FLNB: variants seen among roughly 807,000 people sequenced by gnomAD.
The protein encoded by FLNB is filamin B.
FLNB carries 111 observed loss-of-function variants against 250.6 expected under a neutral mutation model. The ratio of observed to expected loss-of-function variants is 0.44; its 90% confidence interval spans 0.38 to 0.52. FLNB has a LOEUF of 0.52. FLNB is among the 20% of genes least tolerant of loss of function. The pLI, the probability that FLNB is intolerant of heterozygous loss-of-function variation, is 0.00. For missense variants in FLNB, 2,869 were observed against 3,447.8 expected (o/e 0.83, Z 4.20); for synonymous variants, 1,302 against 1,372.1 (o/e 0.95, Z 1.13).
chr3:58,153,233 C>T (rs928594468), intron 38 of FLNB, 142 bp from the exon 39 acceptor site: 6 of 974,788 alleles, frequency 6.2e-6, no homozygotes, highest in Non-Finnish European at 9.6e-6. Context: ...AGGCACCCAG[C>T]CTGAAGGGAA....
At chr3:58,050,662 A>T (rs1021003422) in intron 1 of FLNB, among the ~76,000 whole-genome samples, 1 of 152,176 alleles carries the variant, frequency 6.6e-6, no homozygotes, top group African/African-American at 2.4e-5. Context: ...ACTGAGCTTG[A>T]TTCTGAAACC....
rs114976885 is a variant in FLNB, at chr3:58,067,440, C to T, written c.293-9606C>T. On this transcript the variant is annotated intron_variant, in intron 1 of 45. Coordinates refer to ENST00000295956, the MANE Select transcript of FLNB (RefSeq NM_001457.4). ...AGAGAATTGGAAATCCAGCCAACTT[C>T]GGCCCCCTTGTCTACTTGTATTTTA... Among the ~76,000 whole-genome samples the T allele has an allele frequency of 2.2e-3, 328 of 152,234 alleles. 2 individuals carry two copies. Among genetic ancestry groups the T allele is most frequent in the African/African-American group, 7.4e-3 (306 of 41,548 alleles).
chr3:58,095,684 C>T (rs1053376751), intron 5 of FLNB, among the ~76,000 whole-genome samples: 13 of 152,194 alleles, frequency 8.5e-5, no homozygotes, highest in African/African-American at 3.1e-4. Flanking sequence ...CACTTATTTT[C>T]GTAGGACCAT....
intron 24 of FLNB, among the ~76,000 whole-genome samples, chr3:58,127,383 T>A (rs1647475209): frequency 6.6e-6 from 1 of 152,190 alleles, no homozygotes; most frequent in African/African-American, 2.4e-5. Flanking sequence ...GCTTGGCTCC[T>A]TATTCATGTG....
intron 24 of FLNB, among the ~76,000 whole-genome samples, chr3:58,129,151 TAAC>T (rs1275159712): frequency 2.0e-5 from 3 of 152,194 alleles, no homozygotes; most frequent in Non-Finnish European, 4.4e-5. Context: ...GAGTTATTTT[TAAC>T]AACGTGTCCT....
intron 1 of FLNB, among the ~76,000 whole-genome samples, chr3:58,023,575 G>A (rs185916231): frequency 6.6e-6 from 1 of 152,308 alleles, no homozygotes; most frequent in African/African-American, 2.4e-5. Flanking sequence ...AGGGAAGAAA[G>A]AGATTCCTTT....
chr3:58,064,039 C>G (rs1195849603), intron 1 of FLNB, among the ~76,000 whole-genome samples: 1 of 152,148 alleles, frequency 6.6e-6, no homozygotes, highest in Middle Eastern at 3.4e-3. Flanking sequence ...ATAATAACGC[C>G]ATTATCTCTT....
chr3:58,068,469 G>A (rs932210132), intron 1 of FLNB, among the ~76,000 whole-genome samples: 2 of 152,178 alleles, frequency 1.3e-5, no homozygotes, highest in Admixed American at 6.5e-5. Flanking sequence ...GCAGCTGACC[G>A]ACATGGTCCT....
intron 1 of FLNB, among the ~76,000 whole-genome samples, chr3:58,027,379 G>A (rs753360299): frequency 6.6e-6 from 1 of 151,878 alleles, no homozygotes; most frequent in African/African-American, 2.4e-5. Flanking sequence ...GCGGTGGCCC[G>A]GTCCGCCTGC....
chr3:58,094,228 T>G lies in FLNB; in HGVS notation c.788-608T>G, dbSNP rs547718682. On this transcript the variant is annotated intron_variant, in intron 4 of 45. Transcript: ENST00000295956. ...CCAAGTAGCTGGGATTACAGGCATGTGCCACCACGTTGTATTTTTAGTAGA... is the reference window on the plus strand; with the variant it reads ...CCAAGTAGCTGGGATTACAGGCATGGGCCACCACGTTGTATTTTTAGTAGA... Among the ~76,000 whole-genome samples, 63 of 152,278 alleles carry G rather than the reference T, an allele frequency of 4.1e-4. 1 individual carries two copies. The South Asian group carries it at 6.4e-3, about 16-fold the overall frequency.
intron 25 of FLNB, 50 bp from the exon 26 acceptor site, chr3:58,132,758 A>T: frequency 6.2e-7 from 1 of 1,613,418 alleles, no homozygotes; most frequent in Non-Finnish European, 8.5e-7. Flanking sequence ...CCAAGGGTGG[A>T]GTAAAGGTGA....
At position 58,169,645 on chromosome 3, in the gene FLNB, G is replaced by A. The variant is rs1162097145; in HGVS notation, c.7473G>A (p.Glu2491=). The A allele has an allele frequency of 5.0e-6, 8 of 1,614,026 alleles. No homozygotes were observed. The South Asian group carries it at 7.7e-5, about 16-fold the overall frequency. ...SANETSSILV[E]SVTRSSTETC... ...ACGAGACCTCATCCATCCTGGTGGAGTCAGTGACCAGGTCGTCTACAGAGA... is the reference window on the plus strand; with the variant it reads ...ACGAGACCTCATCCATCCTGGTGGAATCAGTGACCAGGTCGTCTACAGAGA... Residue 2491 remains glutamate, a synonymous_variant, in exon 45 of 46, where the codon GAG becomes GAA. Transcript: ENST00000295956. The surrounding 1 kb of genome is among the most constrained non-coding windows in gnomAD (Gnocchi z 4.8).
intron 1 of FLNB, among the ~76,000 whole-genome samples, chr3:58,014,737 C>CT (rs771888111): frequency 1.7e-4 from 25 of 151,092 alleles, no homozygotes; most frequent in African/African-American, 2.4e-4. Context: ...TTTTCTTTTT[C>CT]TTTTTTTTTG....
rs1046132132 is a variant in FLNB at position 58,135,938 on chromosome 3, T to A, written c.4672-41T>A. The A allele has an allele frequency of 1.9e-6, 3 of 1,602,234 alleles. No homozygotes were observed. In the African/African-American group the frequency reaches 4.0e-5, roughly 21 times the overall value. ...GGGTTTTCCATGAATGTTTTCTACATCTTGACAACATCCTAAATAGCATTT... is the reference window on the plus strand; with the variant it reads ...GGGTTTTCCATGAATGTTTTCTACAACTTGACAACATCCTAAATAGCATTT... On this transcript the variant is annotated intron_variant, in intron 27 of 45. Transcript: ENST00000295956.
At chr3:58,054,095 G>T (rs916344266) in intron 1 of FLNB, among the ~76,000 whole-genome samples, 8 of 152,290 alleles carry the variant, frequency 5.3e-5, no homozygotes, top group Admixed American at 4.6e-4. Flanking sequence ...GAGTGTGAGA[G>T]TGCCTGGAAT....
intron 1 of FLNB, among the ~76,000 whole-genome samples, chr3:58,021,195 C>T (rs1178362941): frequency 1.3e-5 from 2 of 152,092 alleles, no homozygotes; most frequent in Non-Finnish European, 2.9e-5. Flanking sequence ...GCTTCTTGCC[C>T]AGGAACAAAC....
chr3:58,151,351 C>G (rs148176710), intron 38 of FLNB: 7 of 142,632 alleles, frequency 4.9e-5, no homozygotes, highest in African/African-American at 1.6e-4. Context: ...GAAATTGCAC[C>G]GCTGCACTCC....
At chr3:58,013,942 C>G (rs548802152) in intron 1 of FLNB, among the ~76,000 whole-genome samples, 84 of 152,338 alleles carry the variant, frequency 5.5e-4, no homozygotes, top group Non-Finnish European at 1.0e-3. Flanking sequence ...AGCAAGGATT[C>G]TTGGTTCAAA....
intron 26 of FLNB, 105 bp from the exon 27 acceptor site, chr3:58,134,511 A>T: frequency 7.4e-7 from 1 of 1,343,568 alleles, no homozygotes. Flanking sequence ...TATCTGCTGT[A>T]GAAATCCCCT....
Sources: allele counts gnomAD v4.1 joint callset (sites outside exome capture counted in the v4.1 genomes callset), GRCh38; gene constraint gnomAD v4.1.1; non-coding constraint Gnocchi (gnomAD v3.1); transcripts MANE v1.5; gene names NCBI Gene and HGNC (gene_info 2026-07-23, HGNC 2026-07-21).